The following NSD3 variants were observed in gnomAD, a reference collection of about 807,000 sequenced individuals.
NSD3 encodes the protein histone-lysine N-methyltransferase NSD3.
In NSD3, 24 loss-of-function variants were observed where a neutral mutation model predicts 160.8. The ratio of observed to expected loss-of-function variants is 0.15; its 90% CI spans 0.11 to 0.21. NSD3 has a LOEUF of 0.21. NSD3 is among the 10% of genes least tolerant of loss of function. NSD3 has a pLI of 1.00. For synonymous variants in NSD3, 520 were observed against 600.0 expected (o/e 0.87, Z 1.95); for missense variants, 1,157 against 1,735.9 (o/e 0.67, Z 5.93).
rs1408832726 is a variant in NSD3 at position 38,299,594 on chromosome 8, T to C, written c.2612-4A>G. The C allele has an allele frequency of 6.5e-7, 1 of 1,535,776 alleles. No homozygotes were observed. The highest frequency in any genetic ancestry group is 8.7e-7 in the Non-Finnish European group (1 of 1,144,520). On this transcript the variant is annotated splice_polypyrimidine_tract_variant and splice_region_variant and intron_variant, in intron 14 of 23. Coordinates refer to ENST00000317025, the MANE Select transcript of NSD3 (RefSeq NM_023034.2). ...GAATGGTCCTGAACTATCAGCCCTA[T>C]ACGAAACAAACAGAAAGAGATGAGC...
intron 19 of NSD3, among the ~76,000 whole-genome samples, chr8:38,287,421 T>C (rs1036449928): frequency 2.6e-5 from 4 of 152,174 alleles, no homozygotes; most frequent in Non-Finnish European, 5.9e-5. Context: ...CTGATACTTA[T>C]GTTTAGAAAA....
rs1039375900 is a variant in NSD3 at position 38,271,456 on chromosome 8, C to G, written c.*4185G>C. On this transcript the variant is annotated 3_prime_UTR_variant, in exon 24 of 24. Coordinates refer to ENST00000317025, the MANE Select transcript of NSD3 (RefSeq NM_023034.2). ...GTTCCCTTTCTCCTGGTACCCCACC[C>G]CAGGTAAAAGTTGGTGAGATTTCAG... The G allele has an allele frequency of 5.9e-5, 9 of 151,994 alleles. No homozygotes were observed. Among genetic ancestry groups the G allele is most frequent in the African/African-American group, 2.2e-4 (9 of 41,378 alleles). The allele number at this position is 151,994 out of a possible 1,614,324, so 9.4% of individuals were successfully genotyped here.
chr8:38,357,839 G>A, intron 1 of NSD3, among the ~76,000 whole-genome samples: 1 of 152,178 alleles, frequency 6.6e-6, no homozygotes, highest in South Asian at 2.1e-4. Context: ...CAGAGCTGCT[G>A]TGGGTCTTTG....
intron 21 of NSD3, 75 bp downstream of exon 21, chr8:38,279,465 A>T: frequency 6.6e-7 from 1 of 1,505,694 alleles, no homozygotes; most frequent in Admixed American, 2.0e-5. Context: ...CAAGCCTTGA[A>T]GAACCATGTC....
Position 38,317,096 on chromosome 8 carries a change from G to A in NSD3, c.1856-1054C>T. The A allele has an allele frequency of 9.4e-7, 1 of 1,062,004 alleles. No homozygotes were observed. Among genetic ancestry groups the A allele is most frequent in the African/African-American group, 1.6e-5 (1 of 60,980 alleles). 65.8% of individuals were successfully genotyped at this position (1,062,004 alleles called of 1,614,324 possible). A position where few individuals can be genotyped will look rare whatever the true frequency, so the allele number is the denominator to read the frequency against. Reference sequence around the variant, plus strand: ...TGTGCAGTCCAGAAGAGCCCATGGAGAAACAAGTCTCCTGAGGCCATGAAG... The same window carrying A: ...TGTGCAGTCCAGAAGAGCCCATGGAAAAACAAGTCTCCTGAGGCCATGAAG... On this transcript the variant is annotated intron_variant, in intron 9 of 23. Transcript: ENST00000317025. The surrounding 1 kb of genome is among the most constrained non-coding windows in gnomAD (Gnocchi z 5.3).
chr8:38,286,295 TAACA>T (rs553107158), intron 19 of NSD3, among the ~76,000 whole-genome samples: 100 of 151,898 alleles, frequency 6.6e-4, no homozygotes, highest in South Asian at 5.9e-3. Context: ...GCCAACCACA[TAACA>T]AACAAACACA....
intron 14 of NSD3, among the ~76,000 whole-genome samples, chr8:38,304,153 T>C (rs1273980193): frequency 6.6e-6 from 1 of 152,212 alleles, no homozygotes; most frequent in African/African-American, 2.4e-5. Flanking sequence ...AAATACAGCA[T>C]AAACAACTGA....
rs1267434546 is a variant in NSD3, at chr8:38,270,316, TATC to T, written c.*5322_*5324del. On this transcript the variant is annotated 3_prime_UTR_variant, in exon 24 of 24. Coordinates refer to ENST00000317025, the MANE Select transcript of NSD3 (RefSeq NM_023034.2). ...GAAATAACCAATCTACAAAGATCATTATCATAAAGAACACGAGAAAATGAAAAC... is the reference window on the plus strand; with the variant it reads ...GAAATAACCAATCTACAAAGATCATTATAAAGAACACGAGAAAATGAAAAC... 3 of 152,212 alleles carry T rather than the reference TATC, an allele frequency of 2.0e-5. No homozygotes were observed. The highest frequency in any genetic ancestry group is 4.4e-5 in the Non-Finnish European group (3 of 68,044). 9.4% of individuals were successfully genotyped at this position (152,212 alleles called of 1,614,324 possible). A position where few individuals can be genotyped will look rare whatever the true frequency, so the allele number is the denominator to read the frequency against.
At chr8:38,341,142 A>C (rs1810356263) in intron 2 of NSD3, among the ~76,000 whole-genome samples, 1 of 152,206 alleles carries the variant, frequency 6.6e-6, no homozygotes. Flanking sequence ...TAAAACAACA[A>C]CAACAAACAA....
chr8:38,272,010 A>T lies in NSD3; in HGVS notation c.*3631T>A, dbSNP rs1296512104. 1 of 152,258 alleles carries T rather than the reference A, an allele frequency of 6.6e-6. No individual in the cohort carries two copies. The highest frequency in any genetic ancestry group is 1.5e-5 in the Non-Finnish European group (1 of 68,058). The allele number at this position is 152,258 out of a possible 1,614,324, so 9.4% of individuals were successfully genotyped here. ...GTAGGTCTGGGTTTGACCTATTGGAATACACCATGCAAGAAACTACTCAAA... is the reference window on the plus strand; with the variant it reads ...GTAGGTCTGGGTTTGACCTATTGGATTACACCATGCAAGAAACTACTCAAA... On this transcript the variant is annotated 3_prime_UTR_variant, in exon 24 of 24. Coordinates refer to ENST00000317025, the MANE Select transcript of NSD3 (RefSeq NM_023034.2).
chr8:38,292,465 G>T (rs1809019704), intron 16 of NSD3, among the ~76,000 whole-genome samples: 1 of 151,856 alleles, frequency 6.6e-6, no homozygotes, highest in Admixed American at 6.6e-5. Flanking sequence ...TGGCCAACAT[G>T]GTGAAACCCC....
chr8:38,275,155 T>C lies in NSD3; in HGVS notation c.*486A>G, dbSNP rs1808568668. 1 of 240,550 alleles carries C rather than the reference T, an allele frequency of 4.2e-6. No individual in the cohort carries two copies. The highest frequency in any genetic ancestry group is 8.1e-6 in the Non-Finnish European group (1 of 123,052). The allele number at this position is 240,550 out of a possible 1,614,324, so 14.9% of individuals were successfully genotyped here. ...GGTATATAAAGCTTATCATACCCTT[T>C]CCTAGAGGGCTTTCTCAGATTCCTA... On this transcript the variant is annotated 3_prime_UTR_variant, in exon 24 of 24. Coordinates refer to ENST00000317025, the MANE Select transcript of NSD3 (RefSeq NM_023034.2).
chr8:38,338,749 TAAGA>T, intron 2 of NSD3, 142 bp from the exon 3 acceptor site: 1 of 671,476 alleles, frequency 1.5e-6, no homozygotes, highest in Non-Finnish European at 2.6e-6. Flanking sequence ...ATGTAAGGAG[TAAGA>T]ATACAACTTA....
intron 5 of NSD3, among the ~76,000 whole-genome samples, chr8:38,330,522 G>A (rs1011466119): frequency 1.3e-5 from 2 of 152,078 alleles, no homozygotes; most frequent in African/African-American, 4.8e-5. Flanking sequence ...TGGCAAGAGG[G>A]GTAAAAATAC....
At chr8:38,353,100 G>C (rs184616054) in intron 1 of NSD3, among the ~76,000 whole-genome samples, 105 of 152,230 alleles carry the variant, frequency 6.9e-4, no homozygotes, top group Non-Finnish European at 9.4e-4. Flanking sequence ...GCACAGAGAA[G>C]TTAAATGACT....
Position 38,329,685 on chromosome 8 carries a change from A to G in NSD3, c.1274T>C (p.Val425Ala). The change falls in exon 6 of 24, where the codon GTG becomes GCG. Residue 425 changes from valine to alanine, a missense_variant. Physicochemically the swap from Val to Ala is moderately conservative, Grantham distance 64 (BLOSUM62 0). Around this residue, in one of 10 missense-constraint regions of NSD3, gnomAD observed 168 missense variants for 208.1 expected, o/e 0.81. Coordinates refer to ENST00000317025, the MANE Select transcript of NSD3 (RefSeq NM_023034.2). The surrounding 1 kb of genome is among the most constrained non-coding windows in gnomAD (Gnocchi z 4.8). Reference protein sequence around the residue: ...EVKKTRRPRSVLNTQPEQTNA... With the variant: ...EVKKTRRPRSALNTQPEQTNA... ...GGTCTGTTCTGGCTGAGTATTCAGC[A>G]CAGATCTTGGTCGTCGGGTTTTTTT... 2.5e-6 allele frequency: 4 copies of G among 1,614,256 alleles called. No homozygotes were observed. The highest frequency in any genetic ancestry group is 3.4e-6 in the Non-Finnish European group (4 of 1,180,054).
chr8:38,312,718 T>G (rs114052813), intron 12 of NSD3, among the ~76,000 whole-genome samples: 1,854 of 152,272 alleles, frequency 0.012, 47 homozygotes, highest in African/African-American at 0.042. Flanking sequence ...CTACTCCCAC[T>G]TTGCCTTCTG....
chr8:38,296,026 C>A (rs933054222), intron 15 of NSD3, 74 bp from the exon 16 acceptor site: 1 of 1,406,006 alleles, frequency 7.1e-7, no homozygotes, highest in Admixed American at 2.7e-5. Context: ...AGAAAGTTAT[C>A]TTTTCAGCAC....
chr8:38,357,118 C>CA (rs966483645), intron 1 of NSD3, among the ~76,000 whole-genome samples: 2,317 of 21,172 alleles, frequency 0.11, 423 homozygotes, highest in African/African-American at 0.14. Flanking sequence ...GACACCATCT[C>CA]AAAAAAAAAA....
Sources: allele counts gnomAD v4.1 joint callset (sites outside exome capture counted in the v4.1 genomes callset), GRCh38; gene constraint gnomAD v4.1.1; regional missense constraint gnomAD v4.1.1; non-coding constraint Gnocchi (gnomAD v3.1); transcripts MANE v1.5; gene names NCBI Gene and HGNC (gene_info 2026-07-23, HGNC 2026-07-21).